Variants in AUTS2 observed in about 807,000 individuals in gnomAD.
AUTS2 encodes the protein autism susceptibility gene 2 protein.
In AUTS2, 17 loss-of-function variants were observed where a neutral mutation model predicts 112.4. The ratio of observed to expected loss-of-function variants is 0.15; its 90% CI spans 0.10 to 0.23. AUTS2 has a LOEUF of 0.23. Among genes scored for constraint, AUTS2 ranks in the 10% least tolerant of loss-of-function variants. The pLI is 1.00. For missense variants in AUTS2, 1,510 were observed against 1,701.6 expected (o/e 0.89, Z 1.98); for synonymous variants, 751 against 702.7 (o/e 1.07, Z -1.09).
At chr7:69,761,902 G>C (rs1249388980) in intron 1 of AUTS2, among the ~76,000 whole-genome samples, 3 of 152,066 alleles carry the variant, frequency 2.0e-5, no homozygotes, top group Admixed American at 6.6e-5. Flanking sequence ...ATGCATGTTG[G>C]GCCTTTATTG....
At chr7:70,529,256 G>A (rs1022816568) in intron 5 of AUTS2, among the ~76,000 whole-genome samples, 3 of 152,234 alleles carry the variant, frequency 2.0e-5, no homozygotes, top group Non-Finnish European at 4.4e-5. Flanking sequence ...AACGATAGCA[G>A]TGTAGATTGC....
Position 70,585,705 on chromosome 7 carries a change from A to G in AUTS2, c.691-112864A>G, listed in dbSNP as rs528926001. On this transcript the variant is annotated intron_variant, in intron 5 of 18. Transcript: ENST00000342771. ...CGAGTTTGAATTCTACGGGATGATC[A>G]CCCTCGCTATTACCCACAATCTAGC... is the stretch of plus-strand genomic sequence containing the variant. Among the ~76,000 whole-genome samples the G allele has an allele frequency of 2.6e-5, 4 of 152,198 alleles. No homozygotes were observed. In the South Asian group the frequency reaches 8.3e-4, roughly 32 times the overall value.
chr7:70,606,996 G>A (rs1803816090), intron 5 of AUTS2, among the ~76,000 whole-genome samples: 2 of 152,112 alleles, frequency 1.3e-5, no homozygotes, highest in Non-Finnish European at 2.9e-5. Flanking sequence ...ATAAGTCCTA[G>A]TGATAGCGAG....
At chr7:70,507,403 C>T (rs913574379) in intron 5 of AUTS2, among the ~76,000 whole-genome samples, 3 of 152,042 alleles carry the variant, frequency 2.0e-5, no homozygotes, top group Non-Finnish European at 4.4e-5. Flanking sequence ...AGAAAGAATA[C>T]CATATCTGAG....
intron 1 of AUTS2, among the ~76,000 whole-genome samples, chr7:69,630,205 C>T (rs1383184788): frequency 2.0e-5 from 3 of 152,056 alleles, no homozygotes; most frequent in East Asian, 3.9e-4. Flanking sequence ...TGCAGTGAGC[C>T]GAGATCGTGC....
intron 2 of AUTS2, among the ~76,000 whole-genome samples, chr7:70,003,333 TATA>T (rs1310771567): frequency 3.1e-5 from 4 of 130,856 alleles, no homozygotes; most frequent in South Asian, 2.2e-4. Flanking sequence ...CATATGAATA[TATA>T]ATATGTATGA....
chr7:70,597,669 A>G (rs937878013), intron 5 of AUTS2, among the ~76,000 whole-genome samples: 1 of 152,182 alleles, frequency 6.6e-6, no homozygotes, highest in Admixed American at 6.5e-5. Flanking sequence ...TTGGAGAGAA[A>G]TCCCTGCTCA....
chr7:69,603,115 G>C (rs1792523174), intron 1 of AUTS2, among the ~76,000 whole-genome samples: 1 of 152,214 alleles, frequency 6.6e-6, no homozygotes, highest in South Asian at 2.1e-4. Context: ...GTTTAGAAAT[G>C]AAATCAGTTG....
intron 4 of AUTS2, among the ~76,000 whole-genome samples, chr7:70,141,903 C>A (rs185315990): frequency 6.6e-6 from 1 of 152,292 alleles, no homozygotes; most frequent in Admixed American, 6.5e-5. Flanking sequence ...ACTTTTCCAG[C>A]ACACTCTGTA....
chr7:69,844,528 AAG>A (rs1792112367), intron 1 of AUTS2, among the ~76,000 whole-genome samples: 2 of 152,202 alleles, frequency 1.3e-5, no homozygotes, highest in African/African-American at 2.4e-5. Flanking sequence ...AGACACTGGA[AAG>A]AGACCCTCTT....
At chr7:70,776,913 G>T in intron 13 of AUTS2, 190 bp from the exon 14 acceptor site, 2 of 632,318 alleles carry the variant, frequency 3.2e-6, no homozygotes, top group Non-Finnish European at 5.6e-6. Context: ...GAGAGAGGGG[G>T]AGCTGGCTGT....
Position 69,818,079 on chromosome 7 carries a change from A to G in AUTS2, c.310-81207A>G, listed in dbSNP as rs1195065399. The stretch of plus-strand genomic sequence containing the variant: ...TTGGCCCATGATTATTCCTTGATGT[A>G]TGTTGAAAAAAGAGAAGAAAAGAAA... On this transcript the variant is annotated intron_variant, in intron 1 of 18. Transcript: ENST00000342771. Among the ~76,000 whole-genome samples, 5 of 152,174 alleles carry G rather than the reference A, an allele frequency of 3.3e-5. No homozygotes were observed. The East Asian group carries it at 9.6e-4, about 29-fold the overall frequency.
intron 5 of AUTS2, among the ~76,000 whole-genome samples, chr7:70,520,647 T>C (rs1799605316): frequency 6.6e-6 from 1 of 152,204 alleles, no homozygotes; most frequent in African/African-American, 2.4e-5. Flanking sequence ...CTTTCTGAGA[T>C]TATTTTGACT....
chr7:69,655,921 T>A (rs773534870), intron 1 of AUTS2, among the ~76,000 whole-genome samples: 9 of 152,186 alleles, frequency 5.9e-5, no homozygotes, highest in Non-Finnish European at 1.0e-4. Flanking sequence ...ACAAGTTGTA[T>A]GGGGCAGAGG....
At chr7:70,363,821 G>T (rs2129627883) in intron 4 of AUTS2, among the ~76,000 whole-genome samples, 1 of 152,100 alleles carries the variant, frequency 6.6e-6, no homozygotes, top group East Asian at 1.9e-4. Context: ...AAGTCTCCCA[G>T]CTTCTTTGAA....
At chr7:69,776,565 G>A (rs1447286281) in intron 1 of AUTS2, among the ~76,000 whole-genome samples, 2 of 151,998 alleles carry the variant, frequency 1.3e-5, no homozygotes, top group Admixed American at 6.6e-5. Flanking sequence ...ACAGGTGCAC[G>A]CCACCACACC....
intron 2 of AUTS2, among the ~76,000 whole-genome samples, chr7:70,039,389 G>A (rs762571368): frequency 6.6e-6 from 1 of 152,062 alleles, no homozygotes; most frequent in African/African-American, 2.4e-5. Flanking sequence ...CCAAGATGCA[G>A]TCTTGCTCTG....
At chr7:70,363,343 T>C (rs1035067977) in intron 4 of AUTS2, among the ~76,000 whole-genome samples, 1 of 124,198 alleles carries the variant, frequency 8.1e-6, no homozygotes, top group Non-Finnish European at 1.6e-5. Context: ...GCTATTGATA[T>C]ACCTAATGCT....
intron 5 of AUTS2, among the ~76,000 whole-genome samples, chr7:70,442,466 C>A (rs1418414754): frequency 6.6e-6 from 1 of 152,036 alleles, no homozygotes; most frequent in Non-Finnish European, 1.5e-5. Flanking sequence ...TCTTATGGTT[C>A]TTGGCTGAGT....
Sources: allele counts gnomAD v4.1 joint callset (sites outside exome capture counted in the v4.1 genomes callset), GRCh38; gene constraint gnomAD v4.1.1; transcripts MANE v1.5; gene names NCBI Gene and HGNC (gene_info 2026-07-23, HGNC 2026-07-21).